IQCK: variants seen among roughly 807,000 people sequenced by gnomAD.
IQCK encodes IQ motif containing K, also known as IQ domain-containing protein K.
Under a neutral mutation model 28.1 loss-of-function variants are expected in IQCK, and 29 were observed. The ratio of observed to expected loss-of-function variants is 1.03; its 90% CI spans 0.77 to 1.41. The LOEUF is 1.41. Ranked by LOEUF, IQCK falls within the 40% of genes most tolerant of loss-of-function variation. IQCK has a pLI of 0.00. For synonymous variants in IQCK, 113 were observed against 115.1 expected (o/e 0.98, Z 0.12); for missense variants, 359 against 314.7 (o/e 1.14, Z -1.07).
intron 6 of IQCK, among the ~76,000 whole-genome samples, chr16:19,769,112 C>T (rs1192071378): frequency 1.3e-5 from 2 of 152,296 alleles, no homozygotes; most frequent in East Asian, 3.9e-4. Flanking sequence ...TGAGTATCCT[C>T]ATGACATGGT....
At chr16:19,776,551 A>G (rs2055397994) in intron 6 of IQCK, among the ~76,000 whole-genome samples, 1 of 152,118 alleles carries the variant, frequency 6.6e-6, no homozygotes, top group Admixed American at 6.5e-5. Flanking sequence ...CTAAAAATAC[A>G]AAAAAATTAC....
At chr16:19,775,972 C>T (rs2055388580) in intron 6 of IQCK, among the ~76,000 whole-genome samples, 1 of 149,298 alleles carries the variant, frequency 6.7e-6, no homozygotes, top group Non-Finnish European at 1.5e-5. Flanking sequence ...ATCTCTGCCT[C>T]CCCATTTCAA....
intron 4 of IQCK, among the ~76,000 whole-genome samples, chr16:19,740,987 T>C (rs1184412782): frequency 6.9e-6 from 1 of 144,634 alleles, no homozygotes; most frequent in Non-Finnish European, 1.5e-5. Flanking sequence ...AAAAAAAGAA[T>C]ATCTACAAGC....
intron 7 of IQCK, among the ~76,000 whole-genome samples, chr16:19,810,588 G>A (rs566713141): frequency 1.3e-4 from 20 of 152,138 alleles, no homozygotes; most frequent in African/African-American, 2.2e-4. Flanking sequence ...CAAGGCGGGC[G>A]GATCACCTGA....
intron 4 of IQCK, among the ~76,000 whole-genome samples, chr16:19,747,105 C>T (rs1306684464): frequency 6.6e-6 from 1 of 152,170 alleles, no homozygotes; most frequent in African/African-American, 2.4e-5. Context: ...TAGCAAGACC[C>T]CTATCTCTGC....
At position 19,786,795 on chromosome 16, in the gene IQCK, AAGAG is replaced by A. The variant is rs755230072; in HGVS notation, c.606-2027_606-2024del. On this transcript the variant is annotated intron_variant, in intron 6 of 7. Coordinates refer to ENST00000564186, the Ensembl canonical transcript of IQCK. ...GGAAGAATCACCTAGAAAAGAAAGA[AAGAG>A]AGAGAGAGAGAGAGAAGGGAGGGAG... 3.6e-3 allele frequency among the ~76,000 whole-genome samples: 355 copies of A among 98,980 alleles called. 4 individuals carry two copies. Among genetic ancestry groups the A allele is most frequent in the Middle Eastern group, 0.012 (3 of 242 alleles). The allele number at this position is 98,980 out of a possible 152,430, so 64.9% of individuals were successfully genotyped here. A position where few individuals can be genotyped will look rare whatever the true frequency, so the allele number is the denominator to read the frequency against.
At chr16:19,792,875 G>A (rs2055637300) in intron 7 of IQCK, among the ~76,000 whole-genome samples, 1 of 115,132 alleles carries the variant, frequency 8.7e-6, no homozygotes, top group Non-Finnish European at 1.5e-5. Context: ...CACTGCACCC[G>A]GCCACACTGA....
At chr16:19,746,922 A>G (rs1353475142) in intron 4 of IQCK, among the ~76,000 whole-genome samples, 2 of 152,220 alleles carry the variant, frequency 1.3e-5, no homozygotes, top group African/African-American at 4.8e-5. Flanking sequence ...TTCGATTATT[A>G]TGTACTTTAT....
At chr16:19,718,669 T>C (rs1438339771) in intron 1 of IQCK, among the ~76,000 whole-genome samples, 182 bp downstream of exon 1, 1 of 152,214 alleles carries the variant, frequency 6.6e-6, no homozygotes, top group African/African-American at 2.4e-5. Context: ...TGGCCCGAGG[T>C]TACGCAGCGC....
intron 9 of IQCK, 99 bp from the exon 9 acceptor site, chr16:19,856,388 C>A: frequency 1.1e-6 from 1 of 928,792 alleles, no homozygotes; most frequent in South Asian, 1.5e-5. Flanking sequence ...GGTTTTGGTG[C>A]AACTGACCTT....
intron 7 of IQCK, among the ~76,000 whole-genome samples, chr16:19,820,296 C>T (rs982873319): frequency 6.6e-6 from 1 of 152,094 alleles, no homozygotes; most frequent in African/African-American, 2.4e-5. Flanking sequence ...GTGGGTGGAT[C>T]GCTTGAGGTC....
At chr16:19,853,959 CTG>C (rs1402812341) in intron 9 of IQCK, among the ~76,000 whole-genome samples, 3 of 152,252 alleles carry the variant, frequency 2.0e-5, no homozygotes, top group African/African-American at 7.2e-5. Context: ...GCAGCTTAAA[CTG>C]TGAGACTCAC....
chr16:19,818,526 G>T (rs2141077212), intron 7 of IQCK, among the ~76,000 whole-genome samples: 1 of 152,194 alleles, frequency 6.6e-6, no homozygotes, highest in African/African-American at 2.4e-5. Flanking sequence ...TTGAGTAGCT[G>T]GGATTACAGA....
At chr16:19,844,743 A>G (rs1311156842) in intron 9 of IQCK, among the ~76,000 whole-genome samples, 1 of 152,156 alleles carries the variant, frequency 6.6e-6, no homozygotes, top group Middle Eastern at 3.2e-3. Flanking sequence ...TTTGGTAAAA[A>G]CAATAACAAC....
At chr16:19,855,368 G>A (rs2056546034) in intron 9 of IQCK, among the ~76,000 whole-genome samples, 1 of 152,130 alleles carries the variant, frequency 6.6e-6, no homozygotes, top group African/African-American at 2.4e-5. Flanking sequence ...GAGGCGGGTG[G>A]ATCACTTGAG....
chr16:19,779,521 C>G (rs1016433350), intron 6 of IQCK, among the ~76,000 whole-genome samples: 2 of 151,900 alleles, frequency 1.3e-5, no homozygotes, highest in African/African-American at 4.8e-5. Flanking sequence ...TCTTTTTTCC[C>G]ACTAACCACC....
chr16:19,803,250 C>A (rs914947409), intron 7 of IQCK, among the ~76,000 whole-genome samples: 7 of 152,192 alleles, frequency 4.6e-5, no homozygotes, highest in African/African-American at 1.7e-4. Context: ...TCAAGCAATT[C>A]TCCTGCCTCA....
At chr16:19,755,863 T>G (rs2055044616) in intron 4 of IQCK, among the ~76,000 whole-genome samples, 1 of 152,188 alleles carries the variant, frequency 6.6e-6, no homozygotes, top group Non-Finnish European at 1.5e-5. Flanking sequence ...GGGCATGACA[T>G]ATATCATTTC....
At chr16:19,754,429 C>G (rs867272159) in intron 4 of IQCK, among the ~76,000 whole-genome samples, 3 of 152,182 alleles carry the variant, frequency 2.0e-5, no homozygotes, top group Non-Finnish European at 2.9e-5. Context: ...ATAAGACCGC[C>G]TCTTCTCCTA....
Sources: allele counts gnomAD v4.1 joint callset (sites outside exome capture counted in the v4.1 genomes callset), GRCh38; gene constraint gnomAD v4.1.1; transcripts MANE v1.5; gene names NCBI Gene and HGNC (gene_info 2026-07-23, HGNC 2026-07-21).